Variants in CFAP77 observed in about 807,000 individuals in gnomAD.
CFAP77 encodes the protein cilia- and flagella-associated protein 77.
Under a neutral mutation model 31.1 loss-of-function variants are expected in CFAP77, and 25 were observed. The ratio of observed to expected loss-of-function variants is 0.80; its 90% CI spans 0.59 to 1.12. The LOEUF is 1.12. Among genes scored for constraint, CFAP77 ranks in the 50% most tolerant of loss-of-function variants. The probability of loss-of-function intolerance (pLI) is 0.00; values close to 1 mark genes in which losing one functional copy is unlikely to be tolerated. For missense variants in CFAP77, 377 were observed against 397.3 expected (o/e 0.95, Z 0.44); for synonymous variants, 151 against 159.9 (o/e 0.94, Z 0.42).
At chr9:132,466,257 C>T (rs576505053) in intron 1 of CFAP77, among the ~76,000 whole-genome samples, 287 of 152,152 alleles carry the variant, frequency 1.9e-3, no homozygotes, top group Non-Finnish European at 3.3e-3. Context: ...TTTAAATGCC[C>T]CTTGATGATT....
At chr9:132,425,570 T>C (rs903190536) in intron 1 of CFAP77, among the ~76,000 whole-genome samples, 4 of 152,182 alleles carry the variant, frequency 2.6e-5, no homozygotes, top group African/African-American at 7.2e-5. Flanking sequence ...CTGGGTTTCT[T>C]GCTTGTGTTT....
chr9:132,434,229 G>A (rs375624519), intron 1 of CFAP77, among the ~76,000 whole-genome samples: 3 of 152,152 alleles, frequency 2.0e-5, no homozygotes, highest in African/African-American at 7.2e-5. Flanking sequence ...CCCCATCCCC[G>A]CTCTGAGGTG....
chr9:132,472,727 ACTGCACTCCAGCCTGGGTGACAAAGG>A (rs1851280770), intron 1 of CFAP77, among the ~76,000 whole-genome samples: 1 of 152,160 alleles, frequency 6.6e-6, no homozygotes, highest in African/African-American at 2.4e-5. Flanking sequence ...TGACTGCACC[ACTGCACTCCAGCCTGGGTGACAAAGG>A]CTGCACTCTA....
At chr9:132,553,309 C>A (rs139164635) in intron 5 of CFAP77, among the ~76,000 whole-genome samples, 3 of 152,124 alleles carry the variant, frequency 2.0e-5, no homozygotes, top group African/African-American at 7.2e-5. Context: ...GATTCACATA[C>A]GCTTTTTGTT....
chr9:132,519,520 G>GTGGATGGATGGATGGATGAATGGA (rs1852217810), intron 3 of CFAP77, among the ~76,000 whole-genome samples: 1 of 64,854 alleles, frequency 1.5e-5, no homozygotes, highest in East Asian at 4.3e-4. Context: ...GGGTGGGTGG[G>GTGGATGGATGGATGGATGAATGGA]TAGATGGATG....
chr9:132,479,504 C>A (rs535492403), intron 1 of CFAP77, among the ~76,000 whole-genome samples: 9 of 152,322 alleles, frequency 5.9e-5, no homozygotes, highest in African/African-American at 2.2e-4. Flanking sequence ...TTGTGGCGTT[C>A]TTGAAATACT....
At chr9:132,454,096 G>A (rs1850874820) in intron 1 of CFAP77, among the ~76,000 whole-genome samples, 1 of 152,104 alleles carries the variant, frequency 6.6e-6, no homozygotes, top group Non-Finnish European at 1.5e-5. Flanking sequence ...TATCCAATTT[G>A]AAGAAAGGCA....
At chr9:132,414,402 C>T (rs1850061249) in intron 1 of CFAP77, among the ~76,000 whole-genome samples, 2 of 152,044 alleles carry the variant, frequency 1.3e-5, no homozygotes, top group Admixed American at 6.6e-5. Context: ...TACATGCACA[C>T]GTTTATAACT....
intron 1 of CFAP77, among the ~76,000 whole-genome samples, chr9:132,486,073 TATATATATATATATA>T (rs1851547824): frequency 5.9e-5 from 1 of 17,012 alleles, no homozygotes. Context: ...TGTGTATATA[TATATATATATATATA>T]TATTTTTTTT....
chr9:132,498,726 ACAGTCTGCCCGG>A lies in CFAP77; in HGVS notation c.230_241del (p.Ser77_Gly80del). On this transcript the variant is annotated inframe_deletion, in exon 2 of 6. Coordinates refer to ENST00000393216, the MANE Select transcript of CFAP77 (RefSeq NM_001282957.2). This position sits in a 1 kb window ranked among gnomAD's most constrained non-coding sequence, Gnocchi z 4.2. ...CTCGGCAAGCCCCGGGAAAGAAGCT[ACAGTCTGCCCGG>A]CATTAATTTTAATTATGGACTCTAC... The A allele has an allele frequency of 6.2e-7, 1 of 1,612,670 alleles. No individual in the cohort carries two copies. Among genetic ancestry groups the A allele is most frequent in the Non-Finnish European group, 8.5e-7 (1 of 1,179,312 alleles).
chr9:132,412,264 G>A (rs1288070673), intron 1 of CFAP77, among the ~76,000 whole-genome samples: 1 of 152,228 alleles, frequency 6.6e-6, no homozygotes, highest in African/African-American at 2.4e-5. Context: ...GGAGCAGCAG[G>A]GACCCACGTC....
At chr9:132,540,714 T>C (rs1054399527) in intron 4 of CFAP77, among the ~76,000 whole-genome samples, 5 of 152,198 alleles carry the variant, frequency 3.3e-5, no homozygotes, top group Admixed American at 3.3e-4. Context: ...GTGTGATCTT[T>C]TGGTGATAAA....
chr9:132,487,975 C>G (rs537021477), intron 1 of CFAP77, among the ~76,000 whole-genome samples: 1 of 152,140 alleles, frequency 6.6e-6, no homozygotes, highest in Non-Finnish European at 1.5e-5. Context: ...CCCCCATGAG[C>G]AAAATGGTAT....
chr9:132,509,794 ACAGGCAGGGAGC>A lies in CFAP77; in HGVS notation c.524+10197_524+10208del, dbSNP rs2118990096. Among the ~76,000 whole-genome samples the A allele has an allele frequency of 1.3e-5, 2 of 152,134 alleles. 1 individual carries two copies. Among genetic ancestry groups the A allele is most frequent in the Non-Finnish European group, 2.9e-5 (2 of 67,988 alleles). ...AAACAACAAACAAAAAAGGTGGGGG[ACAGGCAGGGAGC>A]CATAACTGGGAGAAGGTAGCAGCCT... On this transcript the variant is annotated intron_variant, in intron 3 of 5. Coordinates refer to ENST00000393216, the MANE Select transcript of CFAP77 (RefSeq NM_001282957.2).
At chr9:132,559,604 G>A (rs941027368) in intron 5 of CFAP77, among the ~76,000 whole-genome samples, 1 of 152,152 alleles carries the variant, frequency 6.6e-6, no homozygotes, top group African/African-American at 2.4e-5. Flanking sequence ...GTACAGCCAA[G>A]TTGGAAACAC....
At chr9:132,543,129 G>C in intron 5 of CFAP77, 82 bp downstream of exon 5, 1 of 1,095,482 alleles carries the variant, frequency 9.1e-7, no homozygotes, top group Non-Finnish European at 1.4e-6. Flanking sequence ...TGCTGTCTCT[G>C]GGTTCTGTGG....
At chr9:132,467,442 C>T (rs1851173095) in intron 1 of CFAP77, among the ~76,000 whole-genome samples, 1 of 152,170 alleles carries the variant, frequency 6.6e-6, no homozygotes, top group Admixed American at 6.5e-5. Flanking sequence ...TAAGTGGAAT[C>T]ATACTTTGTC....
intron 1 of CFAP77, among the ~76,000 whole-genome samples, chr9:132,453,279 C>A (rs1850857693): frequency 6.6e-6 from 1 of 152,186 alleles, no homozygotes; most frequent in Admixed American, 6.5e-5. Context: ...AATCCTAGCA[C>A]TTTGGGAGGC....
At chr9:132,465,174 G>A (rs1203203652) in intron 1 of CFAP77, among the ~76,000 whole-genome samples, 1 of 151,720 alleles carries the variant, frequency 6.6e-6, no homozygotes, top group African/African-American at 2.4e-5. Context: ...TTTGTGGCAA[G>A]TTGTCTGAAG....
Sources: allele counts gnomAD v4.1 joint callset (sites outside exome capture counted in the v4.1 genomes callset), GRCh38; gene constraint gnomAD v4.1.1; non-coding constraint Gnocchi (gnomAD v3.1); transcripts MANE v1.5; gene names NCBI Gene and HGNC (gene_info 2026-07-23, HGNC 2026-07-21).